Variants in SLC5A4 observed in about 807,000 individuals in gnomAD.
SLC5A4 encodes probable glucose sensor protein SLC5A4.
In SLC5A4, 55 loss-of-function variants were observed where a neutral mutation model predicts 70.3. That is an observed-to-expected ratio of 0.78 (90% CI 0.63 to 0.98). The LOEUF is 0.98. Among genes scored for constraint, SLC5A4 ranks in the 50% least tolerant of loss-of-function variants. The probability of loss-of-function intolerance (pLI) is 0.00; values close to 1 mark genes in which losing one functional copy is unlikely to be tolerated. For missense variants in SLC5A4, 735 were observed against 839.2 expected, an observed-to-expected ratio of 0.88 and a Z score of 1.53; for synonymous variants, 268 against 305.7, an observed-to-expected ratio of 0.88 and a Z score of 1.29.
At chr22:32,271,753 C>A in the SLC5A4 span, 3 of 587,986 alleles carry the variant, frequency 5.1e-6, no homozygotes, top group Non-Finnish European at 9.6e-6. Flanking sequence ...ACTGTCCCCG[C>A]GGCTTCCTGT....
At chr22:32,311,575 C>A in the SLC5A4 span, among the ~76,000 whole-genome samples, 1 of 152,156 alleles carries the variant, frequency 6.6e-6, no homozygotes, top group African/African-American at 2.4e-5. Context: ...CAATTCAAAG[C>A]GGGTGGATTT....
At chr22:32,292,129 G>GGTATTAT in the SLC5A4 span, among the ~76,000 whole-genome samples, 1 of 70,316 alleles carries the variant, frequency 1.4e-5, no homozygotes, top group African/African-American at 6.4e-5. Context: ...ACATATACTA[G>GGTATTAT]ATATTATATA....
rs746434285 is a variant in SLC5A4 at position 32,235,100 on chromosome 22, A to G, written c.665-7T>C. The G allele has an allele frequency of 6.3e-7, 1 of 1,596,336 alleles. No homozygotes were observed. Among genetic ancestry groups the G allele is most frequent in the Non-Finnish European group, 8.6e-7 (1 of 1,164,810 alleles). On this transcript the variant is annotated splice_region_variant and splice_polypyrimidine_tract_variant and intron_variant, in intron 7 of 14. Transcript: ENST00000266086. ...CCTCCAACTTCGTTAAATGCTAAAA[A>G]GGCATCAGAGTAAAATGAGATGTCT...
chr22:32,313,592 T>C, the SLC5A4 span, among the ~76,000 whole-genome samples: 5 of 152,206 alleles, frequency 3.3e-5, no homozygotes, highest in Non-Finnish European at 7.3e-5. Context: ...TGGGCACTTA[T>C]AGCTTTGAAT....
chr22:32,351,729 G>GGGGGGGGTGGGGGAGGGT, the SLC5A4 span, among the ~76,000 whole-genome samples: 1 of 50,120 alleles, frequency 2.0e-5, no homozygotes, highest in African/African-American at 1.5e-4. Context: ...GGGGGAGGGT[G>GGGGGGGGTGGGGGAGGGT]GGGGCGGTGG....
chr22:32,333,829 CAT>C, the SLC5A4 span, among the ~76,000 whole-genome samples: 8 of 150,392 alleles, frequency 5.3e-5, no homozygotes, highest in African/African-American at 1.5e-4. Flanking sequence ...ACACACACCA[CAT>C]AGACCCTCAC....
At chr22:32,306,526 A>G in the SLC5A4 span, among the ~76,000 whole-genome samples, 1 of 71,646 alleles carries the variant, frequency 1.4e-5, no homozygotes, top group Non-Finnish European at 2.6e-5. Context: ...GTCAGTGAAA[A>G]ACTCATTATT....
the SLC5A4 span, among the ~76,000 whole-genome samples, chr22:32,331,871 A>G: frequency 1.3e-5 from 2 of 152,020 alleles, no homozygotes; most frequent in Admixed American, 6.5e-5. Flanking sequence ...GCTCCTCCCC[A>G]GGCCCATTGC....
chr22:32,229,939 T>C (rs1357764359), intron 10 of SLC5A4, among the ~76,000 whole-genome samples: 1 of 152,174 alleles, frequency 6.6e-6, no homozygotes, highest in East Asian at 1.9e-4. Context: ...ACCATCTTTC[T>C]TTGGGTAGGG....
At chr22:32,268,001 G>A in the SLC5A4 span, among the ~76,000 whole-genome samples, 3 of 152,266 alleles carry the variant, frequency 2.0e-5, no homozygotes, top group Admixed American at 6.5e-5. Flanking sequence ...GTGGGCGCCT[G>A]TAGTCCCAGG....
chr22:32,256,178 C>T (rs750337230), upstream of SLC5A4, among the ~76,000 whole-genome samples: 1 of 152,000 alleles, frequency 6.6e-6, no homozygotes, highest in Non-Finnish European at 1.5e-5. Context: ...TGTGGTGATG[C>T]ACACGTATGG....
the SLC5A4 span, among the ~76,000 whole-genome samples, chr22:32,307,549 C>T: frequency 6.6e-6 from 1 of 152,132 alleles, no homozygotes; most frequent in African/African-American, 2.4e-5. Context: ...TGAGGGAAGT[C>T]CATGTCATTG....
chr22:32,344,873 A>C, the SLC5A4 span, among the ~76,000 whole-genome samples: 1 of 152,192 alleles, frequency 6.6e-6, no homozygotes, highest in Admixed American at 6.5e-5. Context: ...ACTGCTTCAG[A>C]ATACGGAAAT....
At chr22:32,318,950 A>C in the SLC5A4 span, among the ~76,000 whole-genome samples, 2 of 152,162 alleles carry the variant, frequency 1.3e-5, no homozygotes, top group Admixed American at 1.3e-4. Context: ...TGTGTTGTGA[A>C]GGTGTTTCAT....
chr22:32,332,232 A>C, the SLC5A4 span, among the ~76,000 whole-genome samples: 5 of 152,254 alleles, frequency 3.3e-5, no homozygotes, highest in Middle Eastern at 3.4e-3. Flanking sequence ...CTGGACTAAG[A>C]AGCCCACATC....
chr22:32,238,889 C>T (rs1218230152), intron 6 of SLC5A4, 96 bp downstream of exon 6: 10 of 829,272 alleles, frequency 1.2e-5, no homozygotes, highest in Admixed American at 5.4e-5. Flanking sequence ...GCCTTTACCT[C>T]GGCAGTGACA....
At chr22:32,302,296 G>T in the SLC5A4 span, among the ~76,000 whole-genome samples, 1 of 116,466 alleles carries the variant, frequency 8.6e-6, no homozygotes, top group Non-Finnish European at 1.9e-5. Flanking sequence ...TGGGTATGTG[G>T]TTTGAAATTT....
At chr22:32,222,531 T>C (rs1925144033) in intron 13 of SLC5A4, among the ~76,000 whole-genome samples, 1 of 152,204 alleles carries the variant, frequency 6.6e-6, no homozygotes, top group Admixed American at 6.5e-5. Flanking sequence ...ACAATATTTT[T>C]TTCCTAAAAA....
At chr22:32,346,527 C>T in the SLC5A4 span, among the ~76,000 whole-genome samples, 3 of 150,670 alleles carry the variant, frequency 2.0e-5, no homozygotes, top group African/African-American at 7.4e-5. Context: ...TGGAACAGAA[C>T]AGAGCCCTCA....
Sources: allele counts gnomAD v4.1 joint callset (sites outside exome capture counted in the v4.1 genomes callset), GRCh38; gene constraint gnomAD v4.1.1; transcripts MANE v1.5; gene names NCBI Gene and HGNC (gene_info 2026-07-23, HGNC 2026-07-21).